Variants in C2orf76 observed in about 807,000 individuals in gnomAD.
C2orf76 encodes UPF0538 protein C2orf76.
A neutral mutation model predicts 16.9 loss-of-function variants in C2orf76; 23 were observed. The ratio of observed to expected loss-of-function variants is 1.36; its 90% CI spans 0.98 to 1.93. The LOEUF is 1.93. Among genes scored for constraint, C2orf76 ranks in the 30% most tolerant of loss-of-function variants. The pLI is 0.00. For missense variants in C2orf76, 152 were observed against 152.6 expected (o/e 1.00, Z 0.02); for synonymous variants, 48 against 52.3 (o/e 0.92, Z 0.35).
At position 119,345,874 on chromosome 2, in the gene C2orf76, A is replaced by G. The variant is rs184717579; in HGVS notation, c.-12-5903T>C. Among the ~76,000 whole-genome samples, 736 of 152,138 alleles carry G rather than the reference A, an allele frequency of 4.8e-3. 7 individuals are homozygous for G. The highest frequency in any genetic ancestry group is 0.016 in the African/African-American group (660 of 41,518). On this transcript the variant is annotated intron_variant, in intron 1 of 5. Transcript: ENST00000334816. Reference sequence around the variant, plus strand: ...CAGGAGATTGAGACCATCCTGGCTAACACGGTGAAACCCCGTCTCTACTAA... The same window carrying G: ...CAGGAGATTGAGACCATCCTGGCTAGCACGGTGAAACCCCGTCTCTACTAA...
intron 2 of C2orf76, among the ~76,000 whole-genome samples, chr2:119,329,402 T>A (rs745680001): frequency 6.6e-6 from 1 of 152,054 alleles, no homozygotes; most frequent in South Asian, 2.1e-4. Context: ...TTGATTTTTA[T>A]CTTTAAAGTA....
At position 119,363,438 on chromosome 2, in the gene C2orf76, CA is replaced by C. The variant is rs767310960; in HGVS notation, c.-13+3351del. ...GACTCTGTCTCAAAAAAAAAAAAGG[CA>C]AAAAAAAAAAACTAGTCTCCTCCAG... is the stretch of plus-strand genomic sequence containing the variant. On this transcript the variant is annotated intron_variant, in intron 1 of 5. Transcript: ENST00000334816. 5.7e-3 allele frequency among the ~76,000 whole-genome samples: 787 copies of C among 138,112 alleles called. 8 individuals carry two copies. Among genetic ancestry groups the C allele is most frequent in the Non-Finnish European group, 9.1e-3 (571 of 62,722 alleles). 90.6% of individuals were successfully genotyped at this position (138,112 alleles called of 152,430 possible).
At chr2:119,348,594 G>A (rs911758359) in intron 1 of C2orf76, among the ~76,000 whole-genome samples, 2 of 152,208 alleles carry the variant, frequency 1.3e-5, no homozygotes, top group Non-Finnish European at 2.9e-5. Flanking sequence ...GCTGAGGAAG[G>A]AGATTCGCTT....
the C2orf76 span, among the ~76,000 whole-genome samples, chr2:119,284,068 C>T: frequency 6.6e-6 from 1 of 152,176 alleles, no homozygotes; most frequent in Non-Finnish European, 1.5e-5. Flanking sequence ...TTTTAGACAT[C>T]AGGCTTACCC....
At chr2:119,293,814 A>G in the C2orf76 span, among the ~76,000 whole-genome samples, 1 of 152,232 alleles carries the variant, frequency 6.6e-6, no homozygotes, top group Non-Finnish European at 1.5e-5. Context: ...TGGCCTAAAC[A>G]AATGGAGGAC....
At chr2:119,323,656 A>C (rs1030256771) in intron 2 of C2orf76, among the ~76,000 whole-genome samples, 2 of 152,134 alleles carry the variant, frequency 1.3e-5, no homozygotes, top group Admixed American at 6.5e-5. Flanking sequence ...CAAAACAAAA[A>C]AAACCCTGAG....
At chr2:119,345,430 A>G (rs968624987) in intron 1 of C2orf76, among the ~76,000 whole-genome samples, 3 of 152,196 alleles carry the variant, frequency 2.0e-5, no homozygotes, top group Admixed American at 2.0e-4. Context: ...GCCTATCTGG[A>G]GGTGAGTGGG....
At chr2:119,284,723 T>C in the C2orf76 span, among the ~76,000 whole-genome samples, 1 of 151,864 alleles carries the variant, frequency 6.6e-6, no homozygotes, top group Non-Finnish European at 1.5e-5. Flanking sequence ...ATACTTTTCA[T>C]GTTTAAAACT....
At chr2:119,289,514 C>T in the C2orf76 span, among the ~76,000 whole-genome samples, 1 of 151,916 alleles carries the variant, frequency 6.6e-6, no homozygotes, top group African/African-American at 2.4e-5. Context: ...GGTGAAACCT[C>T]ATCTCTACTA....
chr2:119,332,930 G>A (rs926463285), intron 2 of C2orf76, among the ~76,000 whole-genome samples: 7 of 152,140 alleles, frequency 4.6e-5, no homozygotes, highest in Non-Finnish European at 7.3e-5. Context: ...TGAGGGTCTT[G>A]CTATGTTGCT....
intron 4 of C2orf76, 104 bp downstream of exon 4, chr2:119,317,362 T>G (rs1486675905): frequency 2.5e-6 from 2 of 784,792 alleles, no homozygotes; most frequent in Admixed American, 7.0e-5. Flanking sequence ...AGCGCTATTA[T>G]AATGGGAAAT....
chr2:119,321,198 G>A lies in C2orf76; in HGVS notation c.140C>T (p.Pro47Leu). The A allele has an allele frequency of 7.1e-7, 1 of 1,418,064 alleles. No homozygotes were observed. Among genetic ancestry groups the A allele is most frequent in the Non-Finnish European group, 9.6e-7 (1 of 1,037,454 alleles). 87.8% of individuals were successfully genotyped at this position (1,418,064 alleles called of 1,614,324 possible). Residue 47 changes from proline (P) to leucine (L), a missense_variant, in exon 3 of 6, where the codon CCT becomes CTT. Coordinates refer to ENST00000334816, the MANE Select transcript of C2orf76 (RefSeq NM_001322331.2). The stretch of plus-strand genomic sequence containing the variant: ...TGGTGGTGGCAGGTTGGTCCTTAAA[G>A]GGATATCTACAAGAGAAAGATTATT... ...EFIVFLKQDI[P>L]LRTNLPPPFR...
chr2:119,338,793 AG>A (rs747089846), intron 2 of C2orf76: 6 of 152,272 alleles, frequency 3.9e-5, no homozygotes, highest in Non-Finnish European at 2.9e-5. Flanking sequence ...TCATAGGGAA[AG>A]GGTGATCTGA....
intron 1 of C2orf76, among the ~76,000 whole-genome samples, chr2:119,359,869 A>C (rs1680688536): frequency 6.6e-6 from 1 of 152,228 alleles, no homozygotes; most frequent in African/African-American, 2.4e-5. Context: ...ATATTGCATA[A>C]ACTTGTAAAG....
intron 1 of C2orf76, among the ~76,000 whole-genome samples, chr2:119,345,719 A>C (rs1361212310): frequency 6.7e-6 from 1 of 148,822 alleles, no homozygotes; most frequent in Admixed American, 6.6e-5. Context: ...ATAGCTGATG[A>C]AAAAAAGTTT....
rs60777590 is a variant in C2orf76, at chr2:119,340,755, TACACACACACACACACACACAC to T, written c.-12-806_-12-785del. 9.3e-5 allele frequency among the ~76,000 whole-genome samples: 13 copies of T among 140,358 alleles called. 1 individual carries two copies. In the South Asian group the frequency reaches 1.4e-3, roughly 16 times the overall value. 92.1% of individuals were successfully genotyped at this position (140,358 alleles called of 152,430 possible). On this transcript the variant is annotated intron_variant, in intron 1 of 5. Coordinates refer to ENST00000334816, the MANE Select transcript of C2orf76 (RefSeq NM_001322331.2). The stretch of plus-strand genomic sequence containing the variant: ...TAATTGCAAAGTTCATGCTTTCTAA[TACACACACACACACACACACAC>T]ACACACACACACACACACACACACA...
At chr2:119,304,836 GC>G (rs1272688256) in intron 5 of C2orf76, among the ~76,000 whole-genome samples, 1 of 152,164 alleles carries the variant, frequency 6.6e-6, no homozygotes, top group Non-Finnish European at 1.5e-5. Context: ...GACTTATGCT[GC>G]AAATTTATTT....
At chr2:119,366,120 CTAAAG>C (rs1680971606) in intron 1 of C2orf76, among the ~76,000 whole-genome samples, 2 of 152,122 alleles carry the variant, frequency 1.3e-5, no homozygotes, top group African/African-American at 4.8e-5. Flanking sequence ...CTCTAAGCCC[CTAAAG>C]TACTCTATAT....
chr2:119,299,149 C>T (rs1273530865), downstream of C2orf76, among the ~76,000 whole-genome samples: 1 of 152,022 alleles, frequency 6.6e-6, no homozygotes, highest in African/African-American at 2.4e-5. Flanking sequence ...AACTCCTGAG[C>T]TCAAGCAATC....
Sources: allele counts gnomAD v4.1 joint callset (sites outside exome capture counted in the v4.1 genomes callset), GRCh38; gene constraint gnomAD v4.1.1; transcripts MANE v1.5; gene names NCBI Gene and HGNC (gene_info 2026-07-23, HGNC 2026-07-21).